Variants in FOXN1 observed in about 807,000 individuals in gnomAD.
FOXN1 encodes the protein forkhead box N1, also known as forkhead box protein N1.
Under a neutral mutation model 49.0 loss-of-function variants are expected in FOXN1, and 15 were observed. The observed-to-expected ratio is 0.31, with a 90% CI of 0.20 to 0.47. The LOEUF is 0.47. Among genes scored for constraint, FOXN1 ranks in the 20% least tolerant of loss-of-function variants. FOXN1 has a pLI of 1.00. For synonymous variants in FOXN1, 356 were observed against 369.0 expected (o/e 0.96, Z 0.40); for missense variants, 800 against 842.8 (o/e 0.95, Z 0.63).
intron 1 of FOXN1, among the ~76,000 whole-genome samples, chr17:28,521,659 G>T (rs1411988384): frequency 6.6e-6 from 1 of 152,232 alleles, no homozygotes; most frequent in African/African-American, 2.4e-5. Flanking sequence ...CTCTTGAAGG[G>T]GCGGGAGAGC....
At chr17:28,515,775 T>C (rs2069481380) in intron 1 of FOXN1, among the ~76,000 whole-genome samples, 1 of 147,264 alleles carries the variant, frequency 6.8e-6, no homozygotes, top group South Asian at 2.2e-4. Context: ...CCCTCCACAG[T>C]GTACATACCT....
At position 28,524,742 on chromosome 17, in the gene FOXN1, G is replaced by A. The variant is rs754433537; in HGVS notation, c.363G>A (p.Ala121=). ...SPGRFLKGSH[A]PFHPYKRPFH... Reference sequence around the variant, plus strand: ...GGCGATTCCTCAAGGGCAGCCACGCGCCCTTCCACCCGTACAAGCGGCCTT... The same window carrying A: ...GGCGATTCCTCAAGGGCAGCCACGCACCCTTCCACCCGTACAAGCGGCCTT... Residue 121 remains alanine, a synonymous_variant, in exon 3 of 9, where the codon GCG becomes GCA. Transcript: ENST00000579795. The A allele has an allele frequency of 8.7e-6, 14 of 1,612,836 alleles. No homozygotes were observed. The highest frequency in any genetic ancestry group is 5.5e-5 in the South Asian group (5 of 91,000).
At chr17:28,527,777 C>A (rs1022110804) in intron 4 of FOXN1, among the ~76,000 whole-genome samples, 1 of 152,186 alleles carries the variant, frequency 6.6e-6, no homozygotes, top group Admixed American at 6.5e-5. Context: ...TGCTATGTGA[C>A]CTTGGCCTCC....
chr17:28,534,222 G>A lies in FOXN1; in HGVS notation c.928-109G>A, dbSNP rs572499188. The A allele has an allele frequency of 9.8e-6, 15 of 1,535,950 alleles. No homozygotes were observed. Among genetic ancestry groups the A allele is most frequent in the South Asian group, 6.8e-5 (6 of 88,136 alleles). On this transcript the variant is annotated intron_variant, in intron 6 of 8. Transcript: ENST00000579795. This position sits in a 1 kb window ranked among gnomAD's most constrained non-coding sequence, Gnocchi z 4.1. The stretch of plus-strand genomic sequence containing the variant: ...GAGGACAACAAGCCCCAGAGTGGGC[G>A]GCAGCTCTGTGCCCAGAGGAGAAAC...
intron 1 of FOXN1, among the ~76,000 whole-genome samples, chr17:28,518,296 G>A (rs971287428): frequency 9.2e-5 from 14 of 152,362 alleles, no homozygotes; most frequent in East Asian, 5.8e-4. Flanking sequence ...CCAGGGCCTC[G>A]TTTGACTTAT....
intron 8 of FOXN1, among the ~76,000 whole-genome samples, 155 bp downstream of exon 8, chr17:28,535,353 T>G (rs2070035848): frequency 6.6e-6 from 1 of 152,158 alleles, no homozygotes; most frequent in Non-Finnish European, 1.5e-5. Context: ...AGGGGGAGCT[T>G]CCCACTTGCT....
chr17:28,520,603 G>A (rs548388406), intron 1 of FOXN1, among the ~76,000 whole-genome samples: 6 of 152,316 alleles, frequency 3.9e-5, no homozygotes, highest in South Asian at 4.1e-4. Flanking sequence ...GAGGTAGCAG[G>A]GTGGTTTGGC....
At chr17:28,529,657 T>C (rs2069861465) in intron 5 of FOXN1, among the ~76,000 whole-genome samples, 1 of 152,166 alleles carries the variant, frequency 6.6e-6, no homozygotes, top group South Asian at 2.1e-4. Flanking sequence ...ATCTGCCAGA[T>C]CTGGTGGGAC....
chr17:28,525,154 C>G (rs1253933835), intron 3 of FOXN1, among the ~76,000 whole-genome samples, 187 bp downstream of exon 3: 1 of 151,986 alleles, frequency 6.6e-6, no homozygotes, highest in Non-Finnish European at 1.5e-5. Flanking sequence ...TGGAGGGGGG[C>G]AAGTGGGGGA....
chr17:28,527,434 G>A (rs2069799276), intron 4 of FOXN1, 73 bp downstream of exon 4: 5 of 862,148 alleles, frequency 5.8e-6, no homozygotes, highest in East Asian at 2.6e-5. Context: ...GTGTGTGGGT[G>A]TCTATGTGAT....
chr17:28,530,826 A>C lies in FOXN1; in HGVS notation c.908A>C (p.Glu303Ala). The C allele has an allele frequency of 1.7e-5, 28 of 1,601,718 alleles. No individual in the cohort carries two copies. The highest frequency in any genetic ancestry group is 2.4e-5 in the Non-Finnish European group (28 of 1,168,608). ...PVSEIYNFMT[E>A]HFPYFKTAPD... is the part of the protein sequence containing the mutation. ...AGCGAGATCTACAATTTTATGACGG[A>C]GCACTTTCCTTACTTCAAGGTGAGC... The change falls in exon 6 of 9, where the codon GAG becomes GCG. Residue 303 changes from glutamate to alanine, a missense_variant. By Grantham distance (107) the Glu-to-Ala change is moderately radical (BLOSUM62 -1). Around this residue, in one of 3 missense-constraint regions of FOXN1, gnomAD observed 73 missense variants for 118.9 expected, o/e 0.61. Transcript: ENST00000579795.
chr17:28,519,821 C>G (rs2069603813), intron 1 of FOXN1, among the ~76,000 whole-genome samples: 1 of 152,000 alleles, frequency 6.6e-6, no homozygotes, highest in East Asian at 1.9e-4. Flanking sequence ...GCCAGAGAGT[C>G]AGGAAGAGGG....
chr17:28,519,265 A>C (rs1174588247), intron 1 of FOXN1, among the ~76,000 whole-genome samples: 3 of 151,912 alleles, frequency 2.0e-5, no homozygotes, highest in African/African-American at 7.3e-5. Flanking sequence ...CAGGAGGTCG[A>C]GGCTGCAGTG....
chr17:28,507,298 AG>A (rs1353619108), intron 1 of FOXN1, among the ~76,000 whole-genome samples: 1 of 152,160 alleles, frequency 6.6e-6, no homozygotes, highest in African/African-American at 2.4e-5. Flanking sequence ...TTCCCCGTGG[AG>A]TCCCCCAGGC....
intron 1 of FOXN1, among the ~76,000 whole-genome samples, chr17:28,511,979 A>T (rs1411964083): frequency 6.6e-6 from 1 of 152,166 alleles, no homozygotes; most frequent in African/African-American, 2.4e-5. Context: ...TACACAGCCC[A>T]CAGGAGGCTG....
chr17:28,517,540 G>T, intron 1 of FOXN1, among the ~76,000 whole-genome samples: 1 of 145,842 alleles, frequency 6.9e-6, no homozygotes, highest in Middle Eastern at 3.6e-3. Flanking sequence ...CCTCCACAGG[G>T]TACATGCCTG....
intron 1 of FOXN1, among the ~76,000 whole-genome samples, chr17:28,508,915 G>A (rs2069327361): frequency 1.3e-5 from 2 of 151,982 alleles, no homozygotes; most frequent in South Asian, 2.1e-4. Flanking sequence ...TCTGCAGCAG[G>A]AGTGACTGAC....
intron 1 of FOXN1, among the ~76,000 whole-genome samples, chr17:28,514,612 C>G (rs1023889937): frequency 1.3e-5 from 2 of 152,144 alleles, no homozygotes; most frequent in Admixed American, 1.3e-4. Flanking sequence ...CGGGTGGAGC[C>G]CTGGGTGGGG....
intron 8 of FOXN1, among the ~76,000 whole-genome samples, 180 bp downstream of exon 8, chr17:28,535,378 G>A (rs1302082636): frequency 1.3e-5 from 2 of 152,210 alleles, no homozygotes; most frequent in Non-Finnish European, 2.9e-5. Context: ...GCCATCCAGA[G>A]AATGGGGAAA....
Sources: gnomAD v4.1 joint callset for allele counts (sites outside exome capture counted in the v4.1 genomes callset) on GRCh38, gnomAD v4.1.1 for gene constraint, gnomAD v4.1.1 regional missense constraint, Gnocchi (gnomAD v3.1) non-coding constraint, MANE v1.5 for transcripts, NCBI Gene and HGNC (gene_info 2026-07-23, HGNC 2026-07-21) for gene names.